The following METTL16 variants were observed in gnomAD, a reference collection of about 807,000 sequenced individuals.
METTL16 encodes RNA N(6)-adenosine-methyltransferase METTL16.
In METTL16, 19 loss-of-function variants were observed where a neutral mutation model predicts 57.9. The ratio of observed to expected loss-of-function variants is 0.33; its 90% confidence interval spans 0.23 to 0.48. The LOEUF is 0.48. METTL16 is among the 20% of genes least tolerant of loss of function. METTL16 has a pLI of 0.99. For synonymous variants in METTL16, 246 were observed against 255.6 expected (o/e 0.96, Z 0.36); for missense variants, 434 against 691.5 (o/e 0.63, Z 4.18).
chr17:2,500,128 G>A (rs2067476721), intron 2 of METTL16, among the ~76,000 whole-genome samples: 1 of 152,098 alleles, frequency 6.6e-6, no homozygotes, highest in South Asian at 2.1e-4. Flanking sequence ...ATATTTGTTT[G>A]AACTCCTGTA....
Position 2,428,564 on chromosome 17 carries a change from AATATATATATATAT to A in METTL16, c.889-7674_889-7661del, listed in dbSNP as rs71362532. Among the ~76,000 whole-genome samples the A allele has an allele frequency of 5.7e-4, 18 of 31,352 alleles. No homozygotes were observed. The East Asian group carries it at 9.7e-3, about 17-fold the overall frequency. 20.6% of individuals were successfully genotyped at this position (31,352 alleles called of 152,430 possible). ...AAAAAAAAAAAAAAAAAAAAAAAAA[AATATATATATATAT>A]ATATATATATATATATATATATATA... On this transcript the variant is annotated intron_variant, in intron 8 of 9. Transcript: ENST00000263092.
At chr17:2,502,449 T>C in intron 1 of METTL16, 118 bp from the exon 2 acceptor site, 1 of 848,404 alleles carries the variant, frequency 1.2e-6, no homozygotes, top group South Asian at 1.7e-5. Context: ...GGTAAGTAGA[T>C]CACCTGATTC....
At chr17:2,491,353 T>C (rs2067387508) in intron 2 of METTL16, among the ~76,000 whole-genome samples, 1 of 152,230 alleles carries the variant, frequency 6.6e-6, no homozygotes, top group Admixed American at 6.5e-5. Flanking sequence ...AATACAGTAT[T>C]ACCATTACAG....
intron 2 of METTL16, among the ~76,000 whole-genome samples, chr17:2,490,842 T>C (rs2067382082): frequency 6.6e-6 from 1 of 151,868 alleles, no homozygotes; most frequent in African/African-American, 2.4e-5. Flanking sequence ...GTTATTCAAA[T>C]ATATATATAT....
intron 6 of METTL16, among the ~76,000 whole-genome samples, chr17:2,460,961 G>A (rs748435893): frequency 6.0e-5 from 9 of 150,360 alleles, no homozygotes; most frequent in Non-Finnish European, 1.2e-4. Flanking sequence ...TTTCAGTGCT[G>A]TTACCTTCTT....
chr17:2,476,445 T>C (rs1244820845), intron 3 of METTL16, among the ~76,000 whole-genome samples: 3 of 152,120 alleles, frequency 2.0e-5, no homozygotes, highest in Middle Eastern at 3.4e-3. Flanking sequence ...TACAGGAAGG[T>C]ATGCCTGAAA....
chr17:2,448,766 T>G (rs1234942221), intron 6 of METTL16, among the ~76,000 whole-genome samples: 1 of 37,242 alleles, frequency 2.7e-5, no homozygotes, highest in Non-Finnish European at 5.6e-5. Context: ...ATAAAAAAAA[T>G]AAAAAATAAA....
intron 6 of METTL16, among the ~76,000 whole-genome samples, chr17:2,453,735 C>A (rs2067088538): frequency 6.6e-6 from 1 of 152,088 alleles, no homozygotes; most frequent in Non-Finnish European, 1.5e-5. Context: ...ATGATTGTTG[C>A]AAAATTTAAG....
chr17:2,506,742 C>A (rs973036337), intron 1 of METTL16, among the ~76,000 whole-genome samples: 1 of 151,954 alleles, frequency 6.6e-6, no homozygotes, highest in Admixed American at 6.6e-5. Context: ...TCTGCCTGGC[C>A]GCCCATCATC....
chr17:2,429,630 T>C (rs2066855002), intron 8 of METTL16, among the ~76,000 whole-genome samples: 1 of 151,900 alleles, frequency 6.6e-6, no homozygotes, highest in Admixed American at 6.6e-5. Context: ...TATTTGCAAC[T>C]CTAAATGAAT....
chr17:2,501,810 A>C (rs991847193), intron 2 of METTL16, among the ~76,000 whole-genome samples: 5 of 151,860 alleles, frequency 3.3e-5, no homozygotes, highest in African/African-American at 1.2e-4. Flanking sequence ...GTGAGCCGAG[A>C]TCATGCCACT....
intron 8 of METTL16, among the ~76,000 whole-genome samples, chr17:2,427,983 G>A (rs1391514029): frequency 6.7e-6 from 1 of 150,352 alleles, no homozygotes; most frequent in African/African-American, 2.5e-5. Context: ...TGGATGTGGT[G>A]GCAAGGAAGG....
intron 6 of METTL16, among the ~76,000 whole-genome samples, chr17:2,455,695 T>G (rs1345286240): frequency 6.6e-6 from 1 of 152,066 alleles, no homozygotes; most frequent in Non-Finnish European, 1.5e-5. Flanking sequence ...GAAAATAAGG[T>G]AAGGCCAGGT....
intron 4 of METTL16, among the ~76,000 whole-genome samples, chr17:2,470,385 A>G (rs1453921081): frequency 2.6e-5 from 4 of 152,212 alleles, no homozygotes; most frequent in Admixed American, 2.0e-4. Flanking sequence ...AAGCTGGAGT[A>G]AGAAGGCAGA....
intron 2 of METTL16, among the ~76,000 whole-genome samples, chr17:2,492,692 C>T (rs1465981587): frequency 6.6e-6 from 1 of 151,866 alleles, no homozygotes; most frequent in Non-Finnish European, 1.5e-5. Flanking sequence ...GAGTTTGAGA[C>T]CAGCCTGGCC....
At chr17:2,422,984 A>AAAC (rs948469833) in intron 8 of METTL16, among the ~76,000 whole-genome samples, 4 of 152,160 alleles carry the variant, frequency 2.6e-5, no homozygotes, top group African/African-American at 7.2e-5. Context: ...TGTGTCTCAA[A>AAAC]AACAACAACA....
intron 8 of METTL16, among the ~76,000 whole-genome samples, chr17:2,436,502 C>G (rs1310937557): frequency 1.3e-5 from 2 of 152,120 alleles, no homozygotes; most frequent in Non-Finnish European, 2.9e-5. Context: ...CTCCTCTACC[C>G]TACAAGAGCA....
At chr17:2,504,626 C>A (rs1042270890) in intron 1 of METTL16, among the ~76,000 whole-genome samples, 2 of 152,180 alleles carry the variant, frequency 1.3e-5, no homozygotes, top group African/African-American at 2.4e-5. Context: ...CACAATCATA[C>A]CTCACTGCAG....
chr17:2,417,087 A>ATTTTTTTTTTTTTTTTT lies in METTL16; in HGVS notation c.*2882_*2883insAAAAAAAAAAAAAAAAA, dbSNP rs1567876454. 8.8e-5 allele frequency: 1 copy of ATTTTTTTTTTTTTTTTT among 11,364 alleles called. No individual in the cohort carries two copies. The highest frequency in any genetic ancestry group is 3.0e-4 in the African/African-American group (1 of 3,384). 0.7% of individuals were successfully genotyped at this position (11,364 alleles called of 1,614,324 possible). A position where few individuals can be genotyped will look rare whatever the true frequency, so the allele number is the denominator to read the frequency against. ...TTTTTTTTTTTTTTTTTTTTTTTTG[A>ATTTTTTTTTTTTTTTTT]GACAGTCCCACTTTGTCGCCCAGGC... On this transcript the variant is annotated 3_prime_UTR_variant, in exon 10 of 10. Transcript: ENST00000263092.
Sources: gnomAD v4.1 joint callset for allele counts (sites outside exome capture counted in the v4.1 genomes callset) on GRCh38, gnomAD v4.1.1 for gene constraint, MANE v1.5 for transcripts, NCBI Gene and HGNC (gene_info 2026-07-23, HGNC 2026-07-21) for gene names.